Variants in GALNT13 observed in about 807,000 individuals in gnomAD.
The protein encoded by GALNT13 is polypeptide N-acetylgalactosaminyltransferase 13.
GALNT13 carries 28 observed loss-of-function variants against 64.2 expected under a neutral mutation model. That is an observed-to-expected ratio of 0.44 (90% confidence interval 0.32 to 0.60). The LOEUF (loss-of-function observed/expected upper bound fraction) is 0.60. Ranked by LOEUF, GALNT13 falls within the 20% of genes least tolerant of loss-of-function variation. The pLI is 0.05. For synonymous variants in GALNT13, 214 were observed against 224.6 expected (o/e 0.95, Z 0.42); for missense variants, 577 against 669.8 (o/e 0.86, Z 1.53).
chr2:153,378,587 G>A, the GALNT13 span, among the ~76,000 whole-genome samples: 4 of 152,260 alleles, frequency 2.6e-5, 1 homozygote, highest in African/African-American at 7.2e-5. Flanking sequence ...CTTCTAGAGT[G>A]TATGCAAATT....
the GALNT13 span, among the ~76,000 whole-genome samples, chr2:153,627,505 T>C: frequency 2.0e-5 from 3 of 152,046 alleles, no homozygotes; most frequent in Non-Finnish European, 4.4e-5. Flanking sequence ...ATTATTGTAG[T>C]AAACAAGTGA....
At chr2:153,339,674 A>C in the GALNT13 span, among the ~76,000 whole-genome samples, 4 of 152,196 alleles carry the variant, frequency 2.6e-5, no homozygotes, top group African/African-American at 9.7e-5. Flanking sequence ...GTAATATCCA[A>C]AAAATTCATT....
At chr2:153,886,114 T>C (rs1199215844) in intron 1 of GALNT13, among the ~76,000 whole-genome samples, 1 of 151,802 alleles carries the variant, frequency 6.6e-6, no homozygotes, top group Non-Finnish European at 1.5e-5. Context: ...GAAAAAATAC[T>C]TTATTTAATT....
intron 8 of GALNT13, among the ~76,000 whole-genome samples, chr2:154,274,729 G>T (rs529864541): frequency 2.6e-5 from 4 of 152,184 alleles, no homozygotes; most frequent in East Asian, 1.9e-4. Context: ...TTTATTAGCA[G>T]CATGAGAATG....
chr2:153,259,174 T>C, the GALNT13 span, among the ~76,000 whole-genome samples: 1 of 152,348 alleles, frequency 6.6e-6, no homozygotes, highest in East Asian at 1.9e-4. Context: ...TATCATTGTA[T>C]AATGACTTTC....
chr2:154,107,465 G>A (rs1035381706), intron 3 of GALNT13, among the ~76,000 whole-genome samples: 4 of 151,210 alleles, frequency 2.6e-5, no homozygotes, highest in East Asian at 2.0e-4. Context: ...TGGCGCGTGC[G>A]TGTAGTCCCA....
At chr2:153,358,556 T>G in the GALNT13 span, among the ~76,000 whole-genome samples, 1 of 152,170 alleles carries the variant, frequency 6.6e-6, no homozygotes. Flanking sequence ...CTTACTAACC[T>G]GTTTGAAAAA....
the GALNT13 span, among the ~76,000 whole-genome samples, chr2:153,646,455 T>TTATATA: frequency 5.4e-5 from 8 of 147,990 alleles, no homozygotes; most frequent in Non-Finnish European, 1.0e-4. Context: ...TTTTTTTCTT[T>TTATATA]TATATATATA....
chr2:153,320,882 A>G, the GALNT13 span, among the ~76,000 whole-genome samples: 2 of 152,188 alleles, frequency 1.3e-5, no homozygotes, highest in Non-Finnish European at 2.9e-5. Context: ...ATTAAAAGGC[A>G]CATTTATATA....
At chr2:153,773,092 T>C in the GALNT13 span, among the ~76,000 whole-genome samples, 1 of 152,230 alleles carries the variant, frequency 6.6e-6, no homozygotes, top group Non-Finnish European at 1.5e-5. Flanking sequence ...TGATTGGACC[T>C]GGCCAATCAG....
chr2:154,416,399 G>A (rs79228297), intron 11 of GALNT13, among the ~76,000 whole-genome samples: 12 of 151,516 alleles, frequency 7.9e-5, no homozygotes, highest in East Asian at 3.9e-4. Flanking sequence ...CTCATTCCTC[G>A]GGGCAGAGAC....
intron 11 of GALNT13, among the ~76,000 whole-genome samples, chr2:154,428,439 A>G (rs1231693522): frequency 1.3e-5 from 2 of 152,324 alleles, no homozygotes; most frequent in Admixed American, 6.5e-5. Flanking sequence ...CAAAACCTAT[A>G]TGATAGAGCT....
chr2:154,176,639 A>T (rs1182555843), intron 4 of GALNT13, among the ~76,000 whole-genome samples: 2 of 152,126 alleles, frequency 1.3e-5, no homozygotes, highest in Non-Finnish European at 2.9e-5. Context: ...TTTATGGTAC[A>T]TATTTATTAT....
the GALNT13 span, among the ~76,000 whole-genome samples, chr2:153,546,719 G>A: frequency 1.3e-5 from 2 of 152,126 alleles, no homozygotes; most frequent in South Asian, 4.1e-4. Context: ...ATAAATCTGT[G>A]TGTATATTGC....
rs148805770 is a variant in GALNT13 at position 154,438,623 on chromosome 2, G to A, written c.1427G>A (p.Arg476Gln). The A allele has an allele frequency of 9.8e-5, 158 of 1,611,906 alleles. 1 individual carries two copies. Among genetic ancestry groups the A allele is most frequent in the Middle Eastern group, 1.6e-4 (1 of 6,068 alleles). The stretch of plus-strand genomic sequence containing the variant: ...TCTTACACTGCTGACAAAGAAATCC[G>A]AACCGATGACTTGTGCTTGGATGTT... ...VFSYTADKEI[R>Q]TDDLCLDVSR... Residue 476 changes from arginine (R) to glutamine (Q), a missense_variant, in exon 12 of 13, where the codon CGA (arginine) becomes CAA (glutamine). By Grantham distance (43) the Arg-to-Gln change is conservative. Transcript: ENST00000392825.
At chr2:153,402,609 T>C in the GALNT13 span, among the ~76,000 whole-genome samples, 1 of 152,126 alleles carries the variant, frequency 6.6e-6, no homozygotes, top group East Asian at 1.9e-4. Flanking sequence ...CCATATTTCT[T>C]GGAGGCTTTT....
chr2:153,279,595 T>G, the GALNT13 span, among the ~76,000 whole-genome samples: 1 of 7,152 alleles, frequency 1.4e-4, no homozygotes, highest in African/African-American at 2.5e-3. Flanking sequence ...ATTGAAAGAT[T>G]TTTTTCTTGT....
intron 3 of GALNT13, among the ~76,000 whole-genome samples, chr2:154,126,693 G>A (rs1431487752): frequency 6.6e-6 from 1 of 151,904 alleles, no homozygotes; most frequent in Non-Finnish European, 1.5e-5. Context: ...ATTAAAGACT[G>A]GTAAATCCAC....
At chr2:154,050,479 A>G (rs1051200918) in intron 3 of GALNT13, among the ~76,000 whole-genome samples, 1 of 152,210 alleles carries the variant, frequency 6.6e-6, no homozygotes, top group Non-Finnish European at 1.5e-5. Context: ...TTCCCCTGGG[A>G]AAATCGTTGA....
Sources: allele counts gnomAD v4.1 joint callset (sites outside exome capture counted in the v4.1 genomes callset), GRCh38; gene constraint gnomAD v4.1.1; transcripts MANE v1.5; gene names NCBI Gene and HGNC (gene_info 2026-07-23, HGNC 2026-07-21).